Variants in SUZ12 observed in about 807,000 individuals in gnomAD.
SUZ12 encodes the protein SUZ12 polycomb repressive complex 2 subunit.
A neutral mutation model predicts 87.3 loss-of-function variants in SUZ12; 17 were observed. The ratio of observed to expected loss-of-function variants is 0.19; its 90% CI spans 0.13 to 0.29. The LOEUF is 0.29. Ranked by LOEUF, SUZ12 falls within the 10% of genes least tolerant of loss-of-function variation. The pLI is 1.00. For missense variants in SUZ12, 526 were observed against 912.2 expected (o/e 0.58, Z 5.45); for synonymous variants, 253 against 312.4 (o/e 0.81, Z 2.01).
chr17:31,990,121 ATTTTTTTT>A (rs59793925), intron 10 of SUZ12, among the ~76,000 whole-genome samples: 94 of 99,842 alleles, frequency 9.4e-4, no homozygotes, highest in African/African-American at 2.0e-3. Flanking sequence ...TGCCCGGCTA[ATTTTTTTT>A]TTTTTTTTTT....
At chr17:31,955,754 A>C (rs1907282331) in intron 4 of SUZ12, among the ~76,000 whole-genome samples, 1 of 151,758 alleles carries the variant, frequency 6.6e-6, no homozygotes, top group Non-Finnish European at 1.5e-5. Context: ...TCTCAAAAAA[A>C]CTTACAGTAG....
chr17:31,967,651 G>A (rs1178012691), intron 5 of SUZ12: 9 of 152,520 alleles, frequency 5.9e-5, no homozygotes, highest in African/African-American at 2.2e-4. Context: ...AGGCTGAGGT[G>A]GGAAGATGAC....
chr17:31,987,649 G>T (rs1376118860), intron 9 of SUZ12, among the ~76,000 whole-genome samples: 2 of 152,250 alleles, frequency 1.3e-5, no homozygotes, highest in East Asian at 3.9e-4. Flanking sequence ...GACATTTCAA[G>T]GCCAGGCGTG....
At chr17:31,977,789 C>T (rs1254720776) in intron 8 of SUZ12, among the ~76,000 whole-genome samples, 4 of 151,762 alleles carry the variant, frequency 2.6e-5, no homozygotes, top group Admixed American at 6.6e-5. Flanking sequence ...CTCAGGAGGC[C>T]GAGGCAGGGG....
chr17:31,990,433 G>A (rs374833684), intron 10 of SUZ12, among the ~76,000 whole-genome samples: 79 of 150,356 alleles, frequency 5.3e-4, no homozygotes, highest in African/African-American at 1.7e-3. Context: ...ACGTGATCTC[G>A]GCTCAGCACA....
intron 15 of SUZ12, among the ~76,000 whole-genome samples, chr17:31,998,204 G>A (rs975777177): frequency 4.6e-5 from 7 of 151,208 alleles, no homozygotes; most frequent in African/African-American, 1.2e-4. Context: ...CTCAGCCTCC[G>A]GAGCCGCTGG....
intron 3 of SUZ12, among the ~76,000 whole-genome samples, chr17:31,943,692 T>C (rs1249199216): frequency 3.3e-5 from 5 of 151,780 alleles, no homozygotes; most frequent in Non-Finnish European, 7.4e-5. Context: ...ACTAACTGTT[T>C]TGTTTCATCA....
chr17:31,981,956 A>AT (rs1334202401), intron 8 of SUZ12, among the ~76,000 whole-genome samples: 1 of 152,194 alleles, frequency 6.6e-6, no homozygotes, highest in Non-Finnish European at 1.5e-5. Context: ...ACCTAATAGA[A>AT]TTTCTCTAAG....
intron 4 of SUZ12, among the ~76,000 whole-genome samples, chr17:31,958,460 A>C (rs1448737114): frequency 2.6e-5 from 4 of 152,166 alleles, no homozygotes; most frequent in Admixed American, 2.6e-4. Context: ...CCTGTATCCC[A>C]GCACTTTGGG....
chr17:31,997,242 G>A lies in SUZ12; in HGVS notation c.1874+365G>A, dbSNP rs562087654. Among the ~76,000 whole-genome samples, 9 of 152,262 alleles carry A rather than the reference G, an allele frequency of 5.9e-5. No homozygotes were observed. In the East Asian group the frequency reaches 1.7e-3, roughly 29 times the overall value. ...GAGGAAACAGGCTGCTGCAACCCTG[G>A]TGTCCGTAGGAAAGGGTGTCATCAT... On this transcript the variant is annotated intron_variant, in intron 15 of 15. Transcript: ENST00000322652.
intron 8 of SUZ12, among the ~76,000 whole-genome samples, chr17:31,980,839 A>G (rs1373516301): frequency 6.6e-6 from 1 of 152,052 alleles, no homozygotes; most frequent in Non-Finnish European, 1.5e-5. Flanking sequence ...TTAAGCCAAA[A>G]TCTGCATGTT....
chr17:31,998,415 C>A (rs1273304943), intron 15 of SUZ12, among the ~76,000 whole-genome samples: 1 of 152,152 alleles, frequency 6.6e-6, no homozygotes, highest in African/African-American at 2.4e-5. Context: ...AATTGAAGAA[C>A]AGAAATTATA....
At chr17:31,982,238 A>G (rs1171200978) in intron 8 of SUZ12, among the ~76,000 whole-genome samples, 1 of 152,226 alleles carries the variant, frequency 6.6e-6, no homozygotes, top group East Asian at 1.9e-4. Context: ...CATTATAATA[A>G]TCAGTTTACT....
At chr17:31,971,421 C>CTTTTTT in intron 5 of SUZ12, among the ~76,000 whole-genome samples, 1 of 116,052 alleles carries the variant, frequency 8.6e-6, no homozygotes, top group Non-Finnish European at 1.8e-5. Context: ...TCTCCTGCAA[C>CTTTTTT]TTTTTTTTTT....
chr17:31,978,727 C>G (rs2142184888), intron 8 of SUZ12, among the ~76,000 whole-genome samples: 1 of 152,254 alleles, frequency 6.6e-6, no homozygotes, highest in South Asian at 2.1e-4. Flanking sequence ...TATGTTTACA[C>G]ATTTCTTGTA....
At chr17:31,994,822 T>TC in intron 13 of SUZ12, 101 bp downstream of exon 13, 1 of 1,317,738 alleles carries the variant, frequency 7.6e-7, no homozygotes, top group South Asian at 1.5e-5. Context: ...TAGGTGGAAA[T>TC]TATTATTTTT....
rs550880990 is a variant in SUZ12 at position 31,951,722 on chromosome 17, C to T, written c.455+4037C>T. ...CGATCTCCTGACCTCGTGATCCACCCGCCTTGGCCTCCCAAAGTGCTGGGA... is the reference window on the plus strand; with the variant it reads ...CGATCTCCTGACCTCGTGATCCACCTGCCTTGGCCTCCCAAAGTGCTGGGA... On this transcript the variant is annotated intron_variant, in intron 4 of 15. Coordinates refer to ENST00000322652, the MANE Select transcript of SUZ12 (RefSeq NM_015355.4). Among the ~76,000 whole-genome samples the T allele has an allele frequency of 5.3e-3, 799 of 150,758 alleles. 7 individuals are homozygous for T. Among genetic ancestry groups the T allele is most frequent in the African/African-American group, 0.019 (762 of 41,022 alleles).
At chr17:31,950,354 T>C (rs1422687451) in intron 4 of SUZ12, among the ~76,000 whole-genome samples, 3 of 152,170 alleles carry the variant, frequency 2.0e-5, no homozygotes, top group Admixed American at 2.0e-4. Flanking sequence ...GCCAGCAATA[T>C]AAATATTTGC....
In SUZ12 at chr17:31,992,822, C is replaced by T. The variant is rs534562100; in HGVS notation, c.1202-420C>T. Among the ~76,000 whole-genome samples, 29 of 151,338 alleles carry T rather than the reference C, an allele frequency of 1.9e-4. No homozygotes were observed. In the East Asian group the frequency reaches 5.1e-3, roughly 27 times the overall value. ...TCCCGGGTTCAAGCAATTCTGCTTC[C>T]GCCTCCTGAGTAGCTGGGATTGCAG... On this transcript the variant is annotated intron_variant, in intron 10 of 15. Coordinates refer to ENST00000322652, the MANE Select transcript of SUZ12 (RefSeq NM_015355.4).
Sources: allele counts gnomAD v4.1 joint callset (sites outside exome capture counted in the v4.1 genomes callset), GRCh38; gene constraint gnomAD v4.1.1; transcripts MANE v1.5; gene names NCBI Gene and HGNC (gene_info 2026-07-23, HGNC 2026-07-21).